CDH18: variants seen among roughly 807,000 people sequenced by gnomAD.
The protein encoded by CDH18 is cadherin-18.
A neutral mutation model predicts 67.9 loss-of-function variants in CDH18; 31 were observed. The observed-to-expected ratio is 0.46, with a 90% CI of 0.34 to 0.62. CDH18 has a LOEUF of 0.62. Ranked by LOEUF, CDH18 falls within the 20% of genes least tolerant of loss-of-function variation. CDH18 has a pLI of 0.01. For missense variants in CDH18, 890 were observed against 975.5 expected, an observed-to-expected ratio of 0.91 and a Z score of 1.17; for synonymous variants, 362 against 347.2, an observed-to-expected ratio of 1.04 and a Z score of -0.48.
chr5:19,486,577 A>AG (rs1740440378), intron 11 of CDH18, among the ~76,000 whole-genome samples: 1 of 152,130 alleles, frequency 6.6e-6, no homozygotes, highest in Non-Finnish European at 1.5e-5. Flanking sequence ...GGATCAACTG[A>AG]GGTCAGGAGT....
intron 5 of CDH18, among the ~76,000 whole-genome samples, chr5:19,664,896 T>C (rs1376358109): frequency 1.3e-5 from 2 of 151,980 alleles, no homozygotes; most frequent in Non-Finnish European, 2.9e-5. Context: ...TCTCTGTATA[T>C]CCACTTGTAG....
At chr5:19,848,956 C>A (rs991298059) in intron 2 of CDH18, among the ~76,000 whole-genome samples, 2 of 150,402 alleles carry the variant, frequency 1.3e-5, no homozygotes, top group African/African-American at 4.9e-5. Context: ...TACACACACA[C>A]ACATATATAT....
At chr5:20,030,668 G>C (rs970265253) in intron 2 of CDH18, among the ~76,000 whole-genome samples, 1 of 152,110 alleles carries the variant, frequency 6.6e-6, no homozygotes. Context: ...AAAGAATTTA[G>C]ACATACTCAG....
rs373200298 is a variant in CDH18 at position 19,905,699 on chromosome 5, G to A, written c.-256-66457C>T. On this transcript the variant is annotated intron_variant, in intron 2 of 12. Coordinates refer to ENST00000382275, the MANE Select transcript of CDH18 (RefSeq NM_004934.5). ...TGTTAGGCTATAGGAAGTGTCAGTT[G>A]GGGGTGACTTAGCATAGAGCACGTG... 5.3e-5 allele frequency among the ~76,000 whole-genome samples: 8 copies of A among 151,936 alleles called. No individual in the cohort carries two copies. In the South Asian group the frequency reaches 1.0e-3, roughly 20 times the overall value.
intron 1 of CDH18, among the ~76,000 whole-genome samples, chr5:20,458,715 A>G (rs1751015684): frequency 1.3e-5 from 2 of 152,232 alleles, no homozygotes; most frequent in Admixed American, 6.5e-5. Flanking sequence ...TTTGATTTGT[A>G]TAAGAAATTC....
chr5:20,386,012 T>C (rs1408558103), intron 1 of CDH18, among the ~76,000 whole-genome samples: 1 of 152,230 alleles, frequency 6.6e-6, no homozygotes, highest in Non-Finnish European at 1.5e-5. Context: ...TACACATCTA[T>C]GTATGTAATT....
chr5:20,095,769 A>C (rs1393004703), intron 2 of CDH18, among the ~76,000 whole-genome samples: 1 of 152,008 alleles, frequency 6.6e-6, no homozygotes, highest in Non-Finnish European at 1.5e-5. Context: ...ACAGACTTAA[A>C]AAAAATAGTA....
chr5:19,681,837 GTCA>G (rs1401503377), intron 5 of CDH18, among the ~76,000 whole-genome samples: 3 of 151,546 alleles, frequency 2.0e-5, no homozygotes, highest in Admixed American at 6.6e-5. Flanking sequence ...AATCTCTGTG[GTCA>G]TCATTTCTAA....
At position 20,554,597 on chromosome 5, in the gene CDH18, T is replaced by A. The variant is rs186252061; in HGVS notation, c.-580+20865A>T. On this transcript the variant is annotated intron_variant, in intron 1 of 14. Transcript: ENST00000507958. ...CACATTGGATCACTTTTTTATGTTT[T>A]GCATAACATCTTCCAAAGATAGCAA... 1.6e-4 allele frequency among the ~76,000 whole-genome samples: 24 copies of A among 152,326 alleles called. No homozygotes were observed. In the East Asian group the frequency reaches 3.9e-3, roughly 25 times the overall value.
chr5:20,011,218 A>G (rs1275902408), intron 2 of CDH18, among the ~76,000 whole-genome samples: 1 of 152,112 alleles, frequency 6.6e-6, no homozygotes, highest in Non-Finnish European at 1.5e-5. Flanking sequence ...ATTTGTGGCA[A>G]TTGTGAATGG....
intron 1 of CDH18, among the ~76,000 whole-genome samples, chr5:20,371,616 A>T (rs1743006373): frequency 6.6e-6 from 1 of 152,246 alleles, no homozygotes; most frequent in African/African-American, 2.4e-5. Context: ...AAAAAAAGTA[A>T]CTAAAGGATG....
chr5:20,382,392 T>G (rs1743980971), intron 1 of CDH18, among the ~76,000 whole-genome samples: 1 of 152,170 alleles, frequency 6.6e-6, no homozygotes, highest in African/African-American at 2.4e-5. Flanking sequence ...GAAGGCTTTT[T>G]GTTTTTTTAA....
At chr5:20,518,535 T>G (rs1012725899) in intron 1 of CDH18, among the ~76,000 whole-genome samples, 18 of 152,288 alleles carry the variant, frequency 1.2e-4, no homozygotes, top group Non-Finnish European at 2.1e-4. Context: ...AATTGCACAC[T>G]GAGGAAGATG....
At chr5:20,255,205 A>G (rs1374138901) in intron 2 of CDH18, among the ~76,000 whole-genome samples, 1 of 152,154 alleles carries the variant, frequency 6.6e-6, no homozygotes, top group Non-Finnish European at 1.5e-5. Flanking sequence ...ATATACCCAT[A>G]TAACAAACTT....
At chr5:20,516,778 C>A (rs1755402029) in intron 1 of CDH18, among the ~76,000 whole-genome samples, 1 of 151,776 alleles carries the variant, frequency 6.6e-6, no homozygotes, top group African/African-American at 2.4e-5. Flanking sequence ...TGATGTATTA[C>A]CTTGTATTTT....
At chr5:20,339,361 C>T (rs72745057) in intron 1 of CDH18, among the ~76,000 whole-genome samples, 25,423 of 152,044 alleles carry the variant, frequency 0.17, 2,563 homozygotes, top group East Asian at 0.28. Flanking sequence ...CAAACATGAG[C>T]GTAAATGGTC....
At chr5:19,872,342 G>A (rs183686976) in intron 2 of CDH18, among the ~76,000 whole-genome samples, 5 of 152,128 alleles carry the variant, frequency 3.3e-5, no homozygotes, top group Admixed American at 1.3e-4. Context: ...CTGGTTTCTG[G>A]TCAATAAGTG....
chr5:20,506,573 G>A (rs1454918893), intron 1 of CDH18, among the ~76,000 whole-genome samples: 1 of 152,190 alleles, frequency 6.6e-6, no homozygotes, highest in East Asian at 1.9e-4. Context: ...TGAGCCTCCA[G>A]ATGAGAATCC....
intron 6 of CDH18, among the ~76,000 whole-genome samples, chr5:19,601,735 CA>C (rs1235312786): frequency 1.3e-5 from 2 of 151,870 alleles, no homozygotes; most frequent in African/African-American, 4.8e-5. Context: ...AGCATAATAT[CA>C]AAGGAATGTA....
Sources: gnomAD v4.1 joint callset for allele counts (sites outside exome capture counted in the v4.1 genomes callset) on GRCh38, gnomAD v4.1.1 for gene constraint, MANE v1.5 for transcripts, NCBI Gene and HGNC (gene_info 2026-07-23, HGNC 2026-07-21) for gene names.